The following PGR variants were observed in gnomAD, a reference collection of about 807,000 sequenced individuals.
PGR encodes progesterone receptor, also known as nuclear receptor subfamily 3 group C member 3.
In PGR, 25 loss-of-function variants were observed where a neutral mutation model predicts 76.1. That is an observed-to-expected ratio of 0.33 (90% CI 0.24 to 0.46). The LOEUF is 0.46. Among genes scored for constraint, PGR ranks in the 20% least tolerant of loss-of-function variants. PGR has a pLI of 1.00. For synonymous variants in PGR, 579 were observed against 535.0 expected (o/e 1.08, Z -1.14); for missense variants, 1,172 against 1,225.3 (o/e 0.96, Z 0.65).
chr11:101,125,516 T>C (rs999578921), intron 2 of PGR, among the ~76,000 whole-genome samples: 2 of 152,240 alleles, frequency 1.3e-5, no homozygotes, highest in Admixed American at 6.5e-5. Flanking sequence ...AATATTCATG[T>C]AGTCAAAAGA....
intron 3 of PGR, among the ~76,000 whole-genome samples, chr11:101,084,994 C>T (rs1325487833): frequency 1.3e-5 from 2 of 152,160 alleles, no homozygotes; most frequent in East Asian, 1.9e-4. Context: ...GAAAGCCACA[C>T]AACAATAGTG....
At chr11:101,039,364 T>C (rs910496660) in intron 7 of PGR, 93 bp from the exon 8 acceptor site, 30 of 943,388 alleles carry the variant, frequency 3.2e-5, no homozygotes, top group South Asian at 1.1e-4. Context: ...TAACTATTTA[T>C]AATATAAATA....
intron 2 of PGR, among the ~76,000 whole-genome samples, chr11:101,097,751 C>T (rs945255089): frequency 6.7e-6 from 1 of 149,914 alleles, no homozygotes; most frequent in Admixed American, 6.7e-5. Flanking sequence ...AATGTGAAGT[C>T]TAACAAGATT....
At chr11:101,055,021 AT>A (rs916415672) in intron 4 of PGR, among the ~76,000 whole-genome samples, 4 of 152,160 alleles carry the variant, frequency 2.6e-5, no homozygotes. Context: ...TGGTGAAAAA[AT>A]TTTAAAGATA....
chr11:101,062,497 A>T lies in PGR; in HGVS notation c.2162T>A (p.Leu721Gln), dbSNP rs1191475778. ...TACTGAAAGAAGTTGCCTCTCGCCT[A>T]GTTGATTAAGACTTGTCAGCAAAGA... ...SSSLLTSLNQ[L>Q]GERQLLSVVK... The change falls in exon 4 of 8, where the codon CTA becomes CAA. Residue 721 changes from leucine (L) to glutamine (Q), a missense_variant. Leu to Gln is a moderately radical substitution (Grantham distance 113). Coordinates refer to ENST00000325455, the MANE Select transcript of PGR (RefSeq NM_000926.4). 1 of 1,613,906 alleles carries T rather than the reference A, an allele frequency of 6.2e-7. No homozygotes were observed. Among genetic ancestry groups the T allele is most frequent in the East Asian group, 2.2e-5 (1 of 44,890 alleles).
chr11:101,097,936 C>G (rs568236513), intron 2 of PGR, among the ~76,000 whole-genome samples: 1 of 152,140 alleles, frequency 6.6e-6, no homozygotes, highest in African/African-American at 2.4e-5. Flanking sequence ...ACCACCACGT[C>G]TGGCTAATTT....
rs180767464 is a variant in PGR at position 101,094,025 on chromosome 11, C to A, written c.1790-2149G>T. ...CCTTCAAACAATTCCTTCCTATCTG[C>A]TTTCAAGTCTTGCTCCATCAATTTC... On this transcript the variant is annotated intron_variant, in intron 2 of 7. Coordinates refer to ENST00000325455, the MANE Select transcript of PGR (RefSeq NM_000926.4). 3.9e-3 allele frequency among the ~76,000 whole-genome samples: 598 copies of A among 152,272 alleles called. 3 individuals carry two copies. Among genetic ancestry groups the A allele is most frequent in the African/African-American group, 0.014 (567 of 41,566 alleles).
rs763157431 is a variant in PGR at position 101,127,688 on chromosome 11, G to T, written c.1383C>A (p.Ile461=). 6.3e-7 allele frequency: 1 copy of T among 1,580,554 alleles called. No homozygotes were observed. The highest frequency in any genetic ancestry group is 1.1e-5 in the South Asian group (1 of 88,136). ...ASSSGSTLEC[I]LYKAEGAPPQ... is the part of the protein sequence containing the mutation. ...GCGGCGCGCCCTCCGCTTTGTACAG[G>T]ATGCACTCCAGGGTCGACCCCGAGG... Residue 461 remains isoleucine, a synonymous_variant, in exon 1 of 8, where the codon ATC becomes ATA. Coordinates refer to ENST00000325455, the MANE Select transcript of PGR (RefSeq NM_000926.4).
chr11:101,114,373 C>T (rs12270391), intron 2 of PGR, among the ~76,000 whole-genome samples: 4 of 152,056 alleles, frequency 2.6e-5, no homozygotes, highest in Non-Finnish European at 5.9e-5. Context: ...AATAAGCAGA[C>T]GACTAAATGA....
chr11:101,078,537 A>G (rs1041132911), intron 3 of PGR, among the ~76,000 whole-genome samples: 1 of 152,176 alleles, frequency 6.6e-6, no homozygotes, highest in Non-Finnish European at 1.5e-5. Flanking sequence ...AAAGTAGAAG[A>G]TATATTATCA....
In PGR at chr11:101,110,076, G is replaced by GA. The variant is rs955844492; in HGVS notation, c.1789+15930dup. Among the ~76,000 whole-genome samples, 65 of 151,646 alleles carry GA rather than the reference G, an allele frequency of 4.3e-4. 1 individual carries two copies. The highest frequency in any genetic ancestry group is 3.7e-3 in the Admixed American group (56 of 15,202). On this transcript the variant is annotated intron_variant, in intron 2 of 7. Coordinates refer to ENST00000325455, the MANE Select transcript of PGR (RefSeq NM_000926.4). ...GCCCACTGTTGAGACCTACTGCTTA[G>GA]AAAAAAAAATTCCCATGAGCTCTGA...
chr11:101,118,462 C>A (rs926734641), intron 2 of PGR, among the ~76,000 whole-genome samples: 2 of 152,064 alleles, frequency 1.3e-5, no homozygotes, highest in Non-Finnish European at 2.9e-5. Context: ...GAGTAAATAG[C>A]ATGAAAAGTA....
At chr11:101,044,271 C>A (rs1859788985) in intron 6 of PGR, among the ~76,000 whole-genome samples, 1 of 152,176 alleles carries the variant, frequency 6.6e-6, no homozygotes, top group Non-Finnish European at 1.5e-5. Context: ...ATGGAAATGG[C>A]TTCTTAAATC....
At chr11:101,094,086 C>T (rs559114746) in intron 2 of PGR, among the ~76,000 whole-genome samples, 1 of 152,240 alleles carries the variant, frequency 6.6e-6, no homozygotes, top group East Asian at 1.9e-4. Context: ...TCTCTCCAGT[C>T]CAGTGATGTC....
At chr11:101,042,880 C>T (rs901001950) in intron 6 of PGR, among the ~76,000 whole-genome samples, 1 of 152,162 alleles carries the variant, frequency 6.6e-6, no homozygotes, top group Non-Finnish European at 1.5e-5. Flanking sequence ...AACTAAAAAA[C>T]ACTTTATTGC....
chr11:101,125,981 T>C, intron 2 of PGR, 26 bp downstream of exon 2: 1 of 1,606,268 alleles, frequency 6.2e-7, no homozygotes, highest in Non-Finnish European at 8.5e-7. Context: ...AAACCAATAA[T>C]AAAGGATCAG....
In PGR at chr11:101,038,681, T is replaced by C. The variant is rs890882729; in HGVS notation, c.*435A>G. 4.3e-6 allele frequency: 1 copy of C among 232,352 alleles called. No individual in the cohort carries two copies. The highest frequency in any genetic ancestry group is 2.2e-5 in the African/African-American group (1 of 45,190). 14.4% of individuals were successfully genotyped at this position (232,352 alleles called of 1,614,324 possible). A position where few individuals can be genotyped will look rare whatever the true frequency, so the allele number is the denominator to read the frequency against. Reference sequence around the variant, plus strand: ...TATATAGACAAAATTTTGCATACCATTTTAAAGGTTCATTTTTGGAAATAT... The same window carrying C: ...TATATAGACAAAATTTTGCATACCACTTTAAAGGTTCATTTTTGGAAATAT... On this transcript the variant is annotated 3_prime_UTR_variant, in exon 8 of 8. Transcript: ENST00000325455.
At chr11:101,094,453 C>T (rs1861771937) in intron 2 of PGR, among the ~76,000 whole-genome samples, 1 of 152,156 alleles carries the variant, frequency 6.6e-6, no homozygotes, top group Non-Finnish European at 1.5e-5. Flanking sequence ...CTTTCCAGCA[C>T]TTCCTTTTAA....
chr11:101,080,468 GA>G (rs933990834), intron 3 of PGR, among the ~76,000 whole-genome samples: 18 of 144,418 alleles, frequency 1.2e-4, no homozygotes, highest in African/African-American at 2.3e-4. Flanking sequence ...TATAGGGAAA[GA>G]AAAAAAAAAG....
Sources: allele counts gnomAD v4.1 joint callset (sites outside exome capture counted in the v4.1 genomes callset), GRCh38; gene constraint gnomAD v4.1.1; transcripts MANE v1.5; gene names NCBI Gene and HGNC (gene_info 2026-07-23, HGNC 2026-07-21).